The following AP4S1 variants were observed in gnomAD, a reference collection of about 807,000 sequenced individuals.
AP4S1 encodes AP-4 complex subunit sigma-1.
Under a neutral mutation model 19.8 loss-of-function variants are expected in AP4S1, and 23 were observed. The observed-to-expected ratio is 1.16, with a 90% CI of 0.84 to 1.65. The LOEUF (loss-of-function observed/expected upper bound fraction) is 1.65, where lower values mean the gene tolerates loss of function less well. AP4S1 is among the 40% of genes most tolerant of loss of function. The probability of loss-of-function intolerance (pLI) is 0.00; values close to 1 mark genes in which losing one functional copy is unlikely to be tolerated. For synonymous variants in AP4S1, 46 were observed against 54.1 expected, an observed-to-expected ratio of 0.85 and a Z score of 0.66; for missense variants, 166 against 172.8, an observed-to-expected ratio of 0.96 and a Z score of 0.22.
At chr14:31,080,728 G>T in intron 5 of AP4S1, 144 bp downstream of exon 5, 1 of 1,197,598 alleles carries the variant, frequency 8.4e-7, no homozygotes. Flanking sequence ...CCAGAGGTGT[G>T]TGTGTTCTGC....
chr14:31,073,555 CCT>C (rs529053594), intron 4 of AP4S1, among the ~76,000 whole-genome samples: 112 of 150,886 alleles, frequency 7.4e-4, no homozygotes, highest in African/African-American at 2.4e-3. Flanking sequence ...TGACTTGCCC[CCT>C]CTTTTCTTCT....
At chr14:31,061,366 T>C (rs1886429628) in intron 1 of AP4S1, among the ~76,000 whole-genome samples, 1 of 152,136 alleles carries the variant, frequency 6.6e-6, no homozygotes, top group African/African-American at 2.4e-5. Context: ...ATCAAACAGA[T>C]AATTAATGTT....
chr14:31,028,495 C>G (rs1199702235), intron 1 of AP4S1, among the ~76,000 whole-genome samples: 1 of 152,018 alleles, frequency 6.6e-6, no homozygotes, highest in Non-Finnish European at 1.5e-5. Flanking sequence ...CTTAGAGTTA[C>G]CAACATACAA....
chr14:31,025,706 G>T lies in AP4S1; in HGVS notation c.-153G>T. ...CCGCACCGCGTAGCCAGTGAAGGTT[G>T]GGGAGCAAGCTTATGCGGGAAAGAG... On this transcript the variant is annotated 5_prime_UTR_variant, in exon 1 of 6. Transcript: ENST00000542754. 3.8e-6 allele frequency: 3 copies of T among 794,934 alleles called. No individual in the cohort carries two copies. Among genetic ancestry groups the T allele is most frequent in the Non-Finnish European group, 5.7e-6 (3 of 523,104 alleles). 49.2% of individuals were successfully genotyped at this position (794,934 alleles called of 1,614,324 possible).
chr14:31,065,235 C>T (rs116302235), intron 1 of AP4S1, among the ~76,000 whole-genome samples: 100 of 152,334 alleles, frequency 6.6e-4, no homozygotes, highest in African/African-American at 2.4e-3. Flanking sequence ...TGAACTGCAG[C>T]CCCAGTGAAC....
intron 1 of AP4S1, 89 bp downstream of exon 1, chr14:31,025,876 C>A: frequency 1.3e-6 from 2 of 1,587,804 alleles, no homozygotes; most frequent in Non-Finnish European, 1.7e-6. Context: ...GCCGCCGCAG[C>A]TCCCGCACAC....
chr14:31,052,163 A>G lies in AP4S1; in HGVS notation c.-71-13963A>G, dbSNP rs1399586917. Among the ~76,000 whole-genome samples, 3 of 152,004 alleles carry G rather than the reference A, an allele frequency of 2.0e-5. No individual in the cohort carries two copies. In the East Asian group the frequency reaches 5.8e-4, roughly 29 times the overall value. On this transcript the variant is annotated intron_variant, in intron 1 of 5. Coordinates refer to ENST00000542754, the MANE Select transcript of AP4S1 (RefSeq NM_001128126.3). Reference sequence around the variant, plus strand: ...ACGTGTGCCTAGAGTCACAACCACTAGGGAGGCTGAAGTGGGAGTATCACC... The same window carrying G: ...ACGTGTGCCTAGAGTCACAACCACTGGGGAGGCTGAAGTGGGAGTATCACC...
At chr14:31,092,583 A>C (rs2139130072) in intron 5 of AP4S1, among the ~76,000 whole-genome samples, 1 of 152,258 alleles carries the variant, frequency 6.6e-6, no homozygotes, top group South Asian at 2.1e-4. Flanking sequence ...ACTATTTTTG[A>C]GTTAAGGTCA....
intron 1 of AP4S1, among the ~76,000 whole-genome samples, chr14:31,052,894 A>G (rs1315744112): frequency 3.3e-5 from 5 of 151,750 alleles, no homozygotes; most frequent in Admixed American, 2.0e-4. Flanking sequence ...TCCCTAATTT[A>G]ATACAAGAAA....
chr14:31,071,758 A>G (rs557002504), intron 3 of AP4S1, among the ~76,000 whole-genome samples: 1 of 152,038 alleles, frequency 6.6e-6, no homozygotes, highest in Admixed American at 6.6e-5. Context: ...CACCCAGGCT[A>G]GAATGCAGTG....
chr14:31,050,403 C>T (rs906640764), intron 1 of AP4S1, among the ~76,000 whole-genome samples: 3 of 152,026 alleles, frequency 2.0e-5, no homozygotes, highest in African/African-American at 7.2e-5. Flanking sequence ...AGTGTTACCC[C>T]ATCTTCACTT....
chr14:31,072,968 C>T lies in AP4S1; in HGVS notation c.289C>T (p.Arg97Ter), dbSNP rs200440467. The T allele has an allele frequency of 1.2e-4, 186 of 1,613,462 alleles. No homozygotes were observed. The highest frequency in any genetic ancestry group is 3.1e-4 in the East Asian group (14 of 44,844). The change falls in exon 4 of 6, where the codon CGA (arginine) becomes TGA (stop). Residue 97 changes from arginine (R) to a stop codon, truncating the protein, a stop_gained. Transcript: ENST00000542754. LOFTEE classifies it high-confidence loss of function. ...FVEVLDEYFS[R>*]VSELDIMFNL... The stretch of plus-strand genomic sequence containing the variant: ...GGAAGTTTTAGATGAGTATTTCAGC[C>T]GAGTGGTAAGTCTAATGGCTAAAAA...
intron 1 of AP4S1, among the ~76,000 whole-genome samples, chr14:31,047,081 G>A (rs923921128): frequency 2.0e-5 from 3 of 152,062 alleles, no homozygotes; most frequent in Admixed American, 6.6e-5. Flanking sequence ...TTAAAACCAC[G>A]TTTGTATTTT....
intron 3 of AP4S1, among the ~76,000 whole-genome samples, chr14:31,072,227 C>T (rs1204537358): frequency 6.6e-6 from 1 of 152,100 alleles, no homozygotes; most frequent in Non-Finnish European, 1.5e-5. Context: ...AGACATGAGC[C>T]ATTACGCCAA....
At chr14:31,041,388 A>G (rs1293739803) in intron 1 of AP4S1, among the ~76,000 whole-genome samples, 2 of 152,094 alleles carry the variant, frequency 1.3e-5, no homozygotes, top group Non-Finnish European at 2.9e-5. Flanking sequence ...GACCTCAGGT[A>G]TCCGCCTGCC....
At chr14:31,076,907 G>T (rs1328186370) in intron 4 of AP4S1, among the ~76,000 whole-genome samples, 1 of 152,140 alleles carries the variant, frequency 6.6e-6, no homozygotes, top group Admixed American at 6.6e-5. Context: ...TTCTTGAGAA[G>T]TAGCAGCGGC....
At chr14:31,047,552 T>C (rs1287838076) in intron 1 of AP4S1, among the ~76,000 whole-genome samples, 1 of 151,910 alleles carries the variant, frequency 6.6e-6, no homozygotes, top group Non-Finnish European at 1.5e-5. Flanking sequence ...CCACAATGCC[T>C]GGCTAATTTT....
In AP4S1 at chr14:31,046,832, C is replaced by A. The variant is rs546596501; in HGVS notation, c.-71-19294C>A. On this transcript the variant is annotated intron_variant, in intron 1 of 5. Transcript: ENST00000542754. ...CTGCACTCCAGCCTGGGCAACAGAG[C>A]GAGACTCCGTCTCAAAAAAAAAAAA... Among the ~76,000 whole-genome samples, 5 of 134,608 alleles carry A rather than the reference C, an allele frequency of 3.7e-5. No individual in the cohort carries two copies. The East Asian group carries it at 8.5e-4, about 23-fold the overall frequency. 88.3% of individuals were successfully genotyped at this position (134,608 alleles called of 152,430 possible).
rs1888125073 is a variant in AP4S1 at position 31,093,302 on chromosome 14, G to A, written c.*267G>A. On this transcript the variant is annotated 3_prime_UTR_variant, in exon 6 of 6. Coordinates refer to ENST00000542754, the MANE Select transcript of AP4S1 (RefSeq NM_001128126.3). ...ACATATCTGTCGCACTTTAAATTCT[G>A]TTGAGCACCTAAGGAACCCTTCTTG... The A allele has an allele frequency of 1.1e-5, 3 of 272,718 alleles. No homozygotes were observed. The South Asian group carries it at 1.6e-4, about 14-fold the overall frequency. 16.9% of individuals were successfully genotyped at this position (272,718 alleles called of 1,614,324 possible). A position where few individuals can be genotyped will look rare whatever the true frequency, so the allele number is the denominator to read the frequency against.
Sources: allele counts gnomAD v4.1 joint callset (sites outside exome capture counted in the v4.1 genomes callset), GRCh38; gene constraint gnomAD v4.1.1; transcripts MANE v1.5; gene names NCBI Gene and HGNC (gene_info 2026-07-23, HGNC 2026-07-21).